RPH3A: variants seen among roughly 807,000 people sequenced by gnomAD.
The protein encoded by RPH3A is rabphilin 3A, also known as rabphilin-3A.
A neutral mutation model predicts 102.2 loss-of-function variants in RPH3A; 48 were observed. That is an observed-to-expected ratio of 0.47 (90% CI 0.37 to 0.60). The LOEUF (loss-of-function observed/expected upper bound fraction) is 0.60, where lower values mean the gene tolerates loss of function less well. RPH3A is among the 20% of genes least tolerant of loss of function. The pLI, the probability that RPH3A is intolerant of heterozygous loss-of-function variation, is 0.00. For synonymous variants in RPH3A, 310 were observed against 324.3 expected (o/e 0.96, Z 0.47); for missense variants, 781 against 910.1 (o/e 0.86, Z 1.83).
chr12:112,638,848 G>A lies in RPH3A; in HGVS notation c.-140+63529G>A, dbSNP rs150269038. Among the ~76,000 whole-genome samples, 990 of 152,304 alleles carry A rather than the reference G, an allele frequency of 6.5e-3. 5 individuals carry two copies. The highest frequency in any genetic ancestry group is 0.054 in the Middle Eastern group (16 of 294). On this transcript the variant is annotated intron_variant, in intron 1 of 21. Coordinates refer to the RPH3A transcript ENST00000543106. Reference sequence around the variant, plus strand: ...GGAAACCCGAGATGATAGAGAAACTGCAATCTATCATCAGTGGAATAGGAG... The same window carrying A: ...GGAAACCCGAGATGATAGAGAAACTACAATCTATCATCAGTGGAATAGGAG...
chr12:112,602,071 A>G (rs1033859333), intron 1 of RPH3A, among the ~76,000 whole-genome samples: 2 of 152,214 alleles, frequency 1.3e-5, no homozygotes, highest in African/African-American at 4.8e-5. Context: ...CGGGGCACAC[A>G]AGAGCCTTCA....
At chr12:112,843,320 G>T (rs1175778470) in intron 4 of RPH3A, among the ~76,000 whole-genome samples, 1 of 152,184 alleles carries the variant, frequency 6.6e-6, no homozygotes, top group Non-Finnish European at 1.5e-5. Context: ...TCCACAGGAG[G>T]CTTGCAGGTT....
intron 8 of RPH3A, chr12:112,869,132 A>G (rs1170993075): frequency 6.5e-6 from 1 of 153,232 alleles, no homozygotes; most frequent in East Asian, 1.9e-4. Context: ...GAGAAGCAAA[A>G]CAGTAAAAAT....
chr12:112,612,559 CTTTTTTTTTTT>C (rs1007489149), intron 1 of RPH3A, among the ~76,000 whole-genome samples: 8 of 109,728 alleles, frequency 7.3e-5, no homozygotes, highest in Non-Finnish European at 1.3e-4. Context: ...GGAGTTTTGC[CTTTTTTTTTTT>C]TTTTTTTTTT....
intron 1 of RPH3A, among the ~76,000 whole-genome samples, chr12:112,590,787 G>A (rs1473663028): frequency 6.6e-6 from 1 of 152,100 alleles, no homozygotes; most frequent in Non-Finnish European, 1.5e-5. Context: ...ACACTTAGGT[G>A]ATACTGAGGA....
chr12:112,768,137 T>C (rs1045923359), intron 1 of RPH3A, among the ~76,000 whole-genome samples: 1 of 152,130 alleles, frequency 6.6e-6, no homozygotes, highest in African/African-American at 2.4e-5. Flanking sequence ...ATTTAAAAAA[T>C]AGAAATAAAA....
At chr12:112,810,416 A>G (rs1026581282) in intron 2 of RPH3A, among the ~76,000 whole-genome samples, 6 of 152,158 alleles carry the variant, frequency 3.9e-5, no homozygotes, top group African/African-American at 1.4e-4. Flanking sequence ...TTGACAATAC[A>G]CTTATAAACC....
chr12:112,745,213 G>T (rs747281356), intron 1 of RPH3A, among the ~76,000 whole-genome samples: 6 of 152,154 alleles, frequency 3.9e-5, no homozygotes, highest in Non-Finnish European at 5.9e-5. Context: ...GGATGATGCA[G>T]AAATGATCTG....
At chr12:112,852,261 G>T (rs1470250925) in intron 5 of RPH3A, among the ~76,000 whole-genome samples, 1 of 152,202 alleles carries the variant, frequency 6.6e-6, no homozygotes, top group East Asian at 1.9e-4. Context: ...GATAGGTGTT[G>T]CCTGGTCTCT....
At chr12:112,681,378 G>A (rs942742271) in intron 1 of RPH3A, among the ~76,000 whole-genome samples, 1 of 152,122 alleles carries the variant, frequency 6.6e-6, no homozygotes, top group Admixed American at 6.6e-5. Flanking sequence ...CACACACATC[G>A]GATTGCTTTA....
At chr12:112,613,308 C>T (rs1321248536) in intron 1 of RPH3A, among the ~76,000 whole-genome samples, 3 of 151,720 alleles carry the variant, frequency 2.0e-5, no homozygotes, top group Admixed American at 6.6e-5. Context: ...GAGACCAGGT[C>T]GTTGCCTTCC....
intron 1 of RPH3A, among the ~76,000 whole-genome samples, chr12:112,741,867 G>C (rs1395928340): frequency 6.6e-6 from 1 of 152,150 alleles, no homozygotes; most frequent in East Asian, 1.9e-4. Flanking sequence ...GATATCATCT[G>C]ATGGGGTTAG....
At chr12:112,611,532 G>A (rs170867) in intron 1 of RPH3A, among the ~76,000 whole-genome samples, 18,402 of 151,974 alleles carry the variant, frequency 0.12, 1,401 homozygotes, top group South Asian at 0.19. Flanking sequence ...TCCGCCTCCC[G>A]GGTTCAAGGG....
rs539393326 is a variant in RPH3A at position 112,810,366 on chromosome 12, A to C, written c.-18-17935A>C. On this transcript the variant is annotated intron_variant, in intron 2 of 21. Transcript: ENST00000389385. ...CCCTCACTCACCCTTAGCTCGCTGC[A>C]GACCTTCCACTTCTGAGCATGCTCT... Among the ~76,000 whole-genome samples, 7 of 152,340 alleles carry C rather than the reference A, an allele frequency of 4.6e-5. No homozygotes were observed. In the East Asian group the frequency reaches 1.4e-3, roughly 29 times the overall value.
intron 2 of RPH3A, among the ~76,000 whole-genome samples, chr12:112,802,341 A>T (rs920775141): frequency 6.6e-6 from 1 of 152,314 alleles, no homozygotes; most frequent in South Asian, 2.1e-4. Flanking sequence ...AAAGTGACTT[A>T]GTCTCTCTGA....
At chr12:112,766,923 T>C (rs1000185443) in intron 1 of RPH3A, among the ~76,000 whole-genome samples, 2 of 152,132 alleles carry the variant, frequency 1.3e-5, no homozygotes, top group African/African-American at 4.8e-5. Context: ...CCCAAACATG[T>C]GTGGCTGGGG....
chr12:112,827,832 G>A (rs761768616), intron 2 of RPH3A, among the ~76,000 whole-genome samples: 1 of 151,730 alleles, frequency 6.6e-6, no homozygotes, highest in Non-Finnish European at 1.5e-5. Flanking sequence ...AACCACTATG[G>A]CACATGTATA....
chr12:112,861,848 C>G (rs527816841), intron 5 of RPH3A, among the ~76,000 whole-genome samples: 6 of 152,110 alleles, frequency 3.9e-5, no homozygotes, highest in Admixed American at 3.9e-4. Flanking sequence ...CCCGTCTCTA[C>G]TAAAAATACA....
chr12:112,579,737 TA>T (rs567936327), intron 1 of RPH3A, among the ~76,000 whole-genome samples: 14 of 152,206 alleles, frequency 9.2e-5, no homozygotes, highest in Non-Finnish European at 1.8e-4. Context: ...ATCTTCTTTT[TA>T]ATTTTTTTGG....
Sources: allele counts gnomAD v4.1 joint callset (sites outside exome capture counted in the v4.1 genomes callset), GRCh38; gene constraint gnomAD v4.1.1; transcripts MANE v1.5; gene names NCBI Gene and HGNC (gene_info 2026-07-23, HGNC 2026-07-21).